Variants in KANK1 observed in about 807,000 individuals in gnomAD.
KANK1 encodes the protein KN motif and ankyrin repeat domain-containing protein 1.
Under a neutral mutation model 106.2 loss-of-function variants are expected in KANK1, and 109 were observed. The observed-to-expected ratio is 1.03, with a 90% CI of 0.88 to 1.20. The LOEUF (loss-of-function observed/expected upper bound fraction) is 1.20. KANK1 is among the 50% of genes most tolerant of loss of function. The pLI is 0.00. For synonymous variants in KANK1, 873 were observed against 652.2 expected (o/e 1.34, Z -5.16); for missense variants, 2,399 against 1,710.7 (o/e 1.40, Z -7.10).
chr9:670,956 T>TTTG (rs1845753423), intron 1 of KANK1, among the ~76,000 whole-genome samples: 1 of 129,506 alleles, frequency 7.7e-6, no homozygotes, highest in African/African-American at 3.2e-5. Flanking sequence ...GGAGTTTTTT[T>TTTG]TTTTTTTTTT....
At chr9:654,344 G>C (rs995941948) in intron 1 of KANK1, among the ~76,000 whole-genome samples, 1 of 152,156 alleles carries the variant, frequency 6.6e-6, no homozygotes, top group Non-Finnish European at 1.5e-5. Flanking sequence ...ACAAGAATCA[G>C]TTGAGAATGT....
rs77736906 is a variant in KANK1, at chr9:528,139, G to GA, written c.-84+23401dup. Among the ~76,000 whole-genome samples, 574 of 125,638 alleles carry GA rather than the reference G, an allele frequency of 4.6e-3. 1 individual carries two copies. Among genetic ancestry groups the GA allele is most frequent in the Middle Eastern group, 0.013 (3 of 238 alleles). The allele number at this position is 125,638 out of a possible 152,430, so 82.4% of individuals were successfully genotyped here. On this transcript the variant is annotated intron_variant, in intron 1 of 11. Transcript: ENST00000382297. ...GCAACAGAGCGAGACTCCGTCTCGG[G>GA]AAAAAAAAAAAAAAAACTTTTTAGG...
chr9:710,627 AAACAAAAAAAAAC>A lies in KANK1; in HGVS notation c.38-174_38-162del, dbSNP rs1437642966. On this transcript the variant is annotated intron_variant, in intron 2 of 11. Coordinates refer to ENST00000382297, the MANE Select transcript of KANK1 (RefSeq NM_015158.5). ...GAATGACCTGTCTCAAAAAAAAAAAAAACAAAAAAAAACAAAAAAAACTTGCTTACCCAGCTGT... is the reference window on the plus strand; with the variant it reads ...GAATGACCTGTCTCAAAAAAAAAAAAAAAAAAAACTTGCTTACCCAGCTGT... Among the ~76,000 whole-genome samples the A allele has an allele frequency of 6.0e-4, 61 of 102,308 alleles. 7 individuals are homozygous for A. The highest frequency in any genetic ancestry group is 3.6e-3 in the South Asian group (14 of 3,868). The allele number at this position is 102,308 out of a possible 152,430, so 67.1% of individuals were successfully genotyped here.
intron 2 of KANK1, among the ~76,000 whole-genome samples, chr9:681,817 G>T (rs1563979513): frequency 6.6e-6 from 1 of 152,064 alleles, no homozygotes; most frequent in Non-Finnish European, 1.5e-5. Context: ...ATGAGCACTG[G>T]GAGGTGACTT....
chr9:506,007 T>TAA (rs778276289), intron 1 of KANK1, among the ~76,000 whole-genome samples: 1 of 151,996 alleles, frequency 6.6e-6, no homozygotes, highest in Non-Finnish European at 1.5e-5. Flanking sequence ...ACGTTTTATT[T>TAA]AAAAAAAATT....
At chr9:621,487 G>C (rs1225477865) in intron 1 of KANK1, among the ~76,000 whole-genome samples, 1 of 152,018 alleles carries the variant, frequency 6.6e-6, no homozygotes, top group Non-Finnish European at 1.5e-5. Context: ...CCATTACTGC[G>C]GGAAAAAACC....
intron 1 of KANK1, among the ~76,000 whole-genome samples, chr9:514,286 A>T (rs1485563627): frequency 2.8e-5 from 3 of 106,424 alleles, no homozygotes; most frequent in African/African-American, 5.4e-5. Context: ...CTTCCTTCCT[A>T]TTCATCTCAA....
intron 2 of KANK1, chr9:706,825 C>T (rs973042625): frequency 1.0e-6 from 1 of 985,322 alleles, no homozygotes; most frequent in African/African-American, 1.7e-5. Flanking sequence ...CTCTGCACCT[C>T]CTCAGGTGAC....
chr9:730,305 C>T, intron 4 of KANK1, 57 bp downstream of exon 4: 1 of 1,510,726 alleles, frequency 6.6e-7, no homozygotes, highest in Non-Finnish European at 9.2e-7. Context: ...GCATTGCCAG[C>T]ATTCCAATTT....
chr9:529,888 T>A (rs1379550963), intron 1 of KANK1, among the ~76,000 whole-genome samples: 1 of 152,240 alleles, frequency 6.6e-6, no homozygotes, highest in Non-Finnish European at 1.5e-5. Flanking sequence ...TGCTAACTTA[T>A]GCTCTCACAG....
At position 684,255 on chromosome 9, in the gene KANK1, A is replaced by C. The variant is rs528189825; in HGVS notation, c.37+7246A>C. 4.6e-5 allele frequency: 45 copies of C among 985,412 alleles called. No homozygotes were observed. In the South Asian group the frequency reaches 1.9e-3, roughly 41 times the overall value. 61.0% of individuals were successfully genotyped at this position (985,412 alleles called of 1,614,324 possible). ...GATTAGCTCTCCAGCTAAGCCAAGAAAGGATGATTTATCTTCCAGTGAGTA... is the reference window on the plus strand; with the variant it reads ...GATTAGCTCTCCAGCTAAGCCAAGACAGGATGATTTATCTTCCAGTGAGTA... On this transcript the variant is annotated intron_variant, in intron 2 of 11. Transcript: ENST00000382297.
chr9:714,560 A>G (rs1222708216), intron 3 of KANK1, among the ~76,000 whole-genome samples: 1 of 151,794 alleles, frequency 6.6e-6, no homozygotes, highest in Non-Finnish European at 1.5e-5. Flanking sequence ...GTTTCACCAC[A>G]TTGGTCAGGC....
intron 1 of KANK1, among the ~76,000 whole-genome samples, chr9:660,628 T>TA (rs756334847): frequency 3.5e-4 from 53 of 152,134 alleles, no homozygotes; most frequent in Non-Finnish European, 6.9e-4. Context: ...CATAGACAAC[T>TA]ACGTCTGGCC....
At chr9:504,387 G>A (rs888749559), upstream of KANK1, among the ~76,000 whole-genome samples, 13 of 151,868 alleles carry the variant, frequency 8.6e-5, no homozygotes, top group African/African-American at 1.2e-4. Context: ...TGCCCCGCGG[G>A]CCTGGTGGAG....
At chr9:551,195 A>G (rs996377536) in intron 1 of KANK1, among the ~76,000 whole-genome samples, 1 of 151,536 alleles carries the variant, frequency 6.6e-6, no homozygotes, top group Non-Finnish European at 1.5e-5. Context: ...GGCTTTTCGC[A>G]GTTACAATAA....
chr9:489,883 T>C (rs765422077), intron 3 of KANK1, among the ~76,000 whole-genome samples: 101 of 152,300 alleles, frequency 6.6e-4, no homozygotes, highest in Admixed American at 3.3e-3. Context: ...CAAAGTTAGA[T>C]TGAATGCTGA....
intron 1 of KANK1, among the ~76,000 whole-genome samples, chr9:550,303 G>A (rs968491587): frequency 6.6e-6 from 1 of 151,934 alleles, no homozygotes; most frequent in Non-Finnish European, 1.5e-5. Context: ...GCCGTTATAG[G>A]GTGTTTATTA....
Position 692,755 on chromosome 9 carries a change from C to A in KANK1, c.37+15746C>A, listed in dbSNP as rs190957861. Among the ~76,000 whole-genome samples the A allele has an allele frequency of 2.1e-3, 315 of 151,914 alleles. 1 individual carries two copies. Among genetic ancestry groups the A allele is most frequent in the African/African-American group, 6.9e-3 (284 of 41,432 alleles). Reference sequence around the variant, plus strand: ...CTGGGCCATGTGTGGTGGTTCATGCCTGTAATCCCAGCACTTTGGGAAGCC... The same window carrying A: ...CTGGGCCATGTGTGGTGGTTCATGCATGTAATCCCAGCACTTTGGGAAGCC... On this transcript the variant is annotated intron_variant, in intron 2 of 11. Transcript: ENST00000382297.
intron 6 of KANK1, 138 bp downstream of exon 6, chr9:732,755 T>TA (rs1832667773): frequency 1.1e-6 from 1 of 910,816 alleles, no homozygotes; most frequent in African/African-American, 1.7e-5. Context: ...CTTGAGATAC[T>TA]AATATATACA....
Sources: allele counts gnomAD v4.1 joint callset (sites outside exome capture counted in the v4.1 genomes callset), GRCh38; gene constraint gnomAD v4.1.1; transcripts MANE v1.5; gene names NCBI Gene and HGNC (gene_info 2026-07-23, HGNC 2026-07-21).